Variants in PDGFC observed in about 807,000 individuals in gnomAD.
The protein encoded by PDGFC is platelet derived growth factor C.
PDGFC carries 12 observed loss-of-function variants against 35.5 expected under a neutral mutation model. That is an observed-to-expected ratio of 0.34 (90% CI 0.22 to 0.55). PDGFC has a LOEUF of 0.55. PDGFC is among the 20% of genes least tolerant of loss of function. PDGFC has a pLI of 0.91. For synonymous variants in PDGFC, 159 were observed against 148.8 expected (o/e 1.07, Z -0.50); for missense variants, 322 against 412.4 (o/e 0.78, Z 1.90).
intron 1 of PDGFC, among the ~76,000 whole-genome samples, chr4:156,944,492 AC>A (rs1362879069): frequency 1.3e-5 from 2 of 152,116 alleles, no homozygotes; most frequent in Non-Finnish European, 2.9e-5. Context: ...AAAATCCATC[AC>A]CAATGTGTGT....
intron 2 of PDGFC, among the ~76,000 whole-genome samples, chr4:156,815,306 T>C (rs868773482): frequency 6.7e-6 from 1 of 148,666 alleles, no homozygotes; most frequent in Non-Finnish European, 1.5e-5. Context: ...TTTAAAGTTA[T>C]TAATGAAATA....
rs117643058 is a variant in PDGFC at position 156,965,001 on chromosome 4, A to C, written c.118+5785T>G. On this transcript the variant is annotated intron_variant, in intron 1 of 5. Coordinates refer to ENST00000502773, the MANE Select transcript of PDGFC (RefSeq NM_016205.3). Reference sequence around the variant, plus strand: ...CCCCATCTTCAGAAAATGTAAGGCTATGCACAGCAATGACACTTAAAAGAG... The same window carrying C: ...CCCCATCTTCAGAAAATGTAAGGCTCTGCACAGCAATGACACTTAAAAGAG... Among the ~76,000 whole-genome samples the C allele has an allele frequency of 4.4e-3, 666 of 152,298 alleles. 21 individuals are homozygous for C. In the East Asian group the frequency reaches 0.1, roughly 23 times the overall value.
chr4:156,763,505 A>G (rs1252804394), intron 5 of PDGFC, among the ~76,000 whole-genome samples: 1 of 152,130 alleles, frequency 6.6e-6, no homozygotes, highest in Non-Finnish European at 1.5e-5. Flanking sequence ...TATTTATCTG[A>G]CTATTTTAGA....
chr4:156,964,393 T>C (rs2110979911), intron 1 of PDGFC, among the ~76,000 whole-genome samples: 1 of 148,866 alleles, frequency 6.7e-6, no homozygotes, highest in African/African-American at 2.4e-5. Context: ...TATCACTATA[T>C]ATATATATAG....
intron 1 of PDGFC, among the ~76,000 whole-genome samples, chr4:156,929,063 A>T (rs1284896318): frequency 6.6e-6 from 1 of 152,202 alleles, no homozygotes; most frequent in Non-Finnish European, 1.5e-5. Context: ...GCAATGTAGG[A>T]GGGTCAGCTG....
chr4:156,810,864 G>A lies in PDGFC; in HGVS notation c.468C>T (p.Phe156=), dbSNP rs1321994981. Residue 156 remains phenylalanine (F), a synonymous_variant, in exon 3 of 6, where the codon TTC becomes TTT. Transcript: ENST00000502773. ...GCATGACAATGTTGTAGTGGATGCA[G>A]AACCCTGGTTCAGAAGGAAAATATT... ...SDEYFPSEPG[F]CIHYNIVMPQ... The A allele has an allele frequency of 2.5e-6, 4 of 1,606,838 alleles. No individual in the cohort carries two copies. The highest frequency in any genetic ancestry group is 3.4e-6 in the Non-Finnish European group (4 of 1,174,514).
At chr4:156,959,727 T>G (rs1192190655) in intron 1 of PDGFC, among the ~76,000 whole-genome samples, 5 of 152,042 alleles carry the variant, frequency 3.3e-5, no homozygotes, top group African/African-American at 1.2e-4. Flanking sequence ...CCAGAAGATT[T>G]GCACCTCTGA....
intron 5 of PDGFC, among the ~76,000 whole-genome samples, chr4:156,765,125 G>A (rs182869609): frequency 1.1e-3 from 161 of 152,264 alleles, no homozygotes; most frequent in African/African-American, 3.7e-3. Flanking sequence ...AATCTCTTAT[G>A]TTCTAGAAAC....
intron 2 of PDGFC, among the ~76,000 whole-genome samples, chr4:156,829,615 C>A (rs980822392): frequency 6.6e-6 from 1 of 152,066 alleles, no homozygotes; most frequent in African/African-American, 2.4e-5. Context: ...CTACCATATC[C>A]TTTGATAGTC....
chr4:156,877,215 G>C (rs1381082842), intron 1 of PDGFC, among the ~76,000 whole-genome samples: 1 of 151,898 alleles, frequency 6.6e-6, no homozygotes, highest in African/African-American at 2.4e-5. Context: ...TAGAGAAAAT[G>C]GGGTTTCCAT....
chr4:156,869,311 C>A (rs1338094200), intron 1 of PDGFC, among the ~76,000 whole-genome samples: 1 of 151,868 alleles, frequency 6.6e-6, no homozygotes, highest in Non-Finnish European at 1.5e-5. Flanking sequence ...TGGCGGGTGC[C>A]TGTAGTCCCA....
chr4:156,946,659 G>A lies in PDGFC; in HGVS notation c.118+24127C>T, dbSNP rs546700574. On this transcript the variant is annotated intron_variant, in intron 1 of 5. Coordinates refer to ENST00000502773, the MANE Select transcript of PDGFC (RefSeq NM_016205.3). ...CCACAGGAACAGAAAGACACGTCATGATGAGACAGACAGAGCCCGGGACTG... is the reference window on the plus strand; with the variant it reads ...CCACAGGAACAGAAAGACACGTCATAATGAGACAGACAGAGCCCGGGACTG... 3.7e-4 allele frequency among the ~76,000 whole-genome samples: 56 copies of A among 152,166 alleles called. 1 individual carries two copies. The highest frequency in any genetic ancestry group is 6.8e-3 in the Middle Eastern group (2 of 294).
At chr4:156,968,380 A>C (rs1313181659) in intron 1 of PDGFC, among the ~76,000 whole-genome samples, 1 of 152,168 alleles carries the variant, frequency 6.6e-6, no homozygotes, top group Admixed American at 6.5e-5. Context: ...TGGTATCCTC[A>C]AGGAGGGTTC....
chr4:156,925,527 G>T (rs1170683927), intron 1 of PDGFC, among the ~76,000 whole-genome samples: 1 of 152,118 alleles, frequency 6.6e-6, no homozygotes, highest in East Asian at 1.9e-4. Flanking sequence ...CAGAAGAATA[G>T]GGGAAAAGCA....
intron 3 of PDGFC, among the ~76,000 whole-genome samples, chr4:156,809,179 A>T (rs1388997428): frequency 6.6e-6 from 1 of 152,050 alleles, no homozygotes; most frequent in African/African-American, 2.4e-5. Flanking sequence ...AGAGTTGACA[A>T]TAGCCCATTG....
At chr4:156,965,276 C>A (rs1732438497) in intron 1 of PDGFC, among the ~76,000 whole-genome samples, 1 of 152,100 alleles carries the variant, frequency 6.6e-6, no homozygotes, top group Admixed American at 6.5e-5. Context: ...ACCTCCAGAA[C>A]CTTTCAACAG....
At chr4:156,851,573 T>A (rs1729453442) in intron 1 of PDGFC, among the ~76,000 whole-genome samples, 1 of 152,036 alleles carries the variant, frequency 6.6e-6, no homozygotes, top group African/African-American at 2.4e-5. Flanking sequence ...CCACAATTGA[T>A]AAGTTATAAA....
chr4:156,803,231 C>T (rs1285849311), intron 3 of PDGFC, among the ~76,000 whole-genome samples: 1 of 152,076 alleles, frequency 6.6e-6, no homozygotes, highest in Non-Finnish European at 1.5e-5. Context: ...ATCTGAGGAA[C>T]AGTTTCAGGA....
At chr4:156,931,596 A>G (rs1219034480) in intron 1 of PDGFC, among the ~76,000 whole-genome samples, 3 of 152,326 alleles carry the variant, frequency 2.0e-5, no homozygotes, top group South Asian at 4.1e-4. Flanking sequence ...ACTAAGGCCA[A>G]GACAATAGAC....
Sources: gnomAD v4.1 joint callset for allele counts (sites outside exome capture counted in the v4.1 genomes callset) on GRCh38, gnomAD v4.1.1 for gene constraint, MANE v1.5 for transcripts, NCBI Gene and HGNC (gene_info 2026-07-23, HGNC 2026-07-21) for gene names.